The following PTPRE variants were observed in gnomAD, a reference collection of about 807,000 sequenced individuals.
The protein encoded by PTPRE is receptor-type tyrosine-protein phosphatase epsilon.
PTPRE carries 51 observed loss-of-function variants against 102.0 expected under a neutral mutation model. The ratio of observed to expected loss-of-function variants is 0.50; its 90% CI spans 0.40 to 0.63. The LOEUF (loss-of-function observed/expected upper bound fraction) is 0.63. Among genes scored for constraint, PTPRE ranks in the 30% least tolerant of loss-of-function variants. PTPRE has a pLI of 0.00. For missense variants in PTPRE, 752 were observed against 915.1 expected (o/e 0.82, Z 2.30); for synonymous variants, 345 against 348.2 (o/e 0.99, Z 0.10).
chr10:128,022,496 C>T (rs915455046), intron 2 of PTPRE, among the ~76,000 whole-genome samples: 1 of 152,226 alleles, frequency 6.6e-6, no homozygotes, highest in Non-Finnish European at 1.5e-5. Flanking sequence ...TGGCCTGCCC[C>T]GTGCTGACTC....
intron 1 of PTPRE, among the ~76,000 whole-genome samples, chr10:127,921,589 A>C (rs948264957): frequency 6.6e-6 from 1 of 152,042 alleles, no homozygotes; most frequent in East Asian, 1.9e-4. Flanking sequence ...GTCTATAGGG[A>C]CTGGGCTGGG....
chr10:127,993,770 TGTGTGTGTGTGTGTGTGC>T (rs1196998853), intron 2 of PTPRE, among the ~76,000 whole-genome samples: 1 of 150,680 alleles, frequency 6.6e-6, no homozygotes, highest in African/African-American at 2.4e-5. Context: ...TTCATAGTGG[TGTGTGTGTGTGTGTGTGC>T]GTGTGTGTGT....
chr10:127,970,347 C>A (rs760376015), intron 1 of PTPRE, among the ~76,000 whole-genome samples: 3 of 152,116 alleles, frequency 2.0e-5, no homozygotes, highest in Non-Finnish European at 4.4e-5. Flanking sequence ...CACAGCTTTG[C>A]GGATGAAAGG....
chr10:127,982,196 C>T, intron 1 of PTPRE, 78 bp from the exon 2 acceptor site: 1 of 945,762 alleles, frequency 1.1e-6, no homozygotes, highest in Non-Finnish European at 1.4e-6. Context: ...TAGTGCTGTA[C>T]AGAAGGAAAT....
intron 1 of PTPRE, among the ~76,000 whole-genome samples, chr10:127,980,549 A>G (rs1447995882): frequency 6.6e-6 from 1 of 152,170 alleles, no homozygotes; most frequent in Admixed American, 6.5e-5. Context: ...ATAATGTTAA[A>G]TAGGAGTGGG....
At position 128,003,313 on chromosome 10, in the gene PTPRE, G is replaced by C. The variant is rs184921335; in HGVS notation, c.-8+21017G>C. On this transcript the variant is annotated intron_variant, in intron 2 of 20. Coordinates refer to ENST00000254667, the MANE Select transcript of PTPRE (RefSeq NM_006504.6). ...CTCTGTGTTCTCCTAATCACACTGG[G>C]TGGTTGTCATTTTTTATTTCACTGG... is the stretch of plus-strand genomic sequence containing the variant. Among the ~76,000 whole-genome samples, 283 of 152,228 alleles carry C rather than the reference G, an allele frequency of 1.9e-3. 1 individual carries two copies. The highest frequency in any genetic ancestry group is 3.4e-3 in the Non-Finnish European group (229 of 68,010).
chr10:128,010,372 T>G (rs1254987005), intron 2 of PTPRE, among the ~76,000 whole-genome samples: 3 of 152,182 alleles, frequency 2.0e-5, no homozygotes, highest in African/African-American at 4.8e-5. Flanking sequence ...TTGAAATTTT[T>G]TCTTGCCTGA....
chr10:128,019,187 C>T (rs1485059985), intron 2 of PTPRE, among the ~76,000 whole-genome samples: 7 of 152,246 alleles, frequency 4.6e-5, no homozygotes, highest in Non-Finnish European at 7.3e-5. Flanking sequence ...CTGAGAGGCC[C>T]GACTTCCAAT....
At position 127,920,320 on chromosome 10, in the gene PTPRE, A is replaced by AG. The variant is rs1227811239; in HGVS notation, c.-31+13015dup. 8.5e-5 allele frequency among the ~76,000 whole-genome samples: 13 copies of AG among 152,288 alleles called. No individual in the cohort carries two copies. In the East Asian group the frequency reaches 2.5e-3, roughly 29 times the overall value. ...GGAAGGGGCAGCCCCTTGGAGCATG[A>AG]GGGGTCTCTTGCTGCCTCTGCTTTG... is the stretch of plus-strand genomic sequence containing the variant. On this transcript the variant is annotated intron_variant, in intron 1 of 20. Transcript: ENST00000254667.
intron 1 of PTPRE, among the ~76,000 whole-genome samples, chr10:127,915,642 T>A (rs1167386429): frequency 6.6e-6 from 1 of 152,214 alleles, no homozygotes; most frequent in Non-Finnish European, 1.5e-5. Context: ...TTTAATAATT[T>A]TGTACTGTGT....
chr10:128,063,866 G>A (rs993945709), intron 10 of PTPRE, among the ~76,000 whole-genome samples: 8 of 152,144 alleles, frequency 5.3e-5, no homozygotes, highest in African/African-American at 1.9e-4. Flanking sequence ...CAGGCAGGGA[G>A]CCATGCCATA....
At chr10:127,948,436 T>C (rs1310328227) in intron 1 of PTPRE, among the ~76,000 whole-genome samples, 1 of 152,192 alleles carries the variant, frequency 6.6e-6, no homozygotes, top group Non-Finnish European at 1.5e-5. Flanking sequence ...TGGACAGATA[T>C]ATGACATGTA....
chr10:127,958,428 C>CT (rs1208883994), intron 1 of PTPRE, among the ~76,000 whole-genome samples: 1 of 151,748 alleles, frequency 6.6e-6, no homozygotes, highest in African/African-American at 2.4e-5. Flanking sequence ...TTGTCACGTG[C>CT]TTTTTTTTGC....
chr10:127,960,049 A>T (rs1427655157), intron 1 of PTPRE, among the ~76,000 whole-genome samples: 1 of 152,218 alleles, frequency 6.6e-6, no homozygotes, highest in Non-Finnish European at 1.5e-5. Context: ...TTACTATGTA[A>T]GATGGGAAGT....
rs528375624 is a variant in PTPRE at position 127,974,427 on chromosome 10, G to A, written c.-30-7847G>A. ...GGTTTTTGTTTATGTGTTCTTCCTG[G>A]GAATTTTCTTCTTGAGAAAGATGAC... On this transcript the variant is annotated intron_variant, in intron 1 of 20. Transcript: ENST00000254667. Among the ~76,000 whole-genome samples, 9 of 152,210 alleles carry A rather than the reference G, an allele frequency of 5.9e-5. No homozygotes were observed. In the South Asian group the frequency reaches 1.2e-3, roughly 21 times the overall value.
chr10:128,041,006 C>T lies in PTPRE; in HGVS notation c.109+16C>T, dbSNP rs1847645354. ...ACGACCTCAGGTAAGGACCCCTTTCCCTGGCTGCCTCCCCTACTACCTCCT... is the reference window on the plus strand; with the variant it reads ...ACGACCTCAGGTAAGGACCCCTTTCTCTGGCTGCCTCCCCTACTACCTCCT... On this transcript the variant is annotated intron_variant, in intron 3 of 20. Coordinates refer to ENST00000254667, the MANE Select transcript of PTPRE (RefSeq NM_006504.6). The T allele has an allele frequency of 1.9e-6, 3 of 1,609,152 alleles. No homozygotes were observed. The Admixed American group carries it at 5.0e-5, about 27-fold the overall frequency.
At chr10:128,069,071 G>A (rs927481458) in intron 12 of PTPRE, 2 of 152,766 alleles carry the variant, frequency 1.3e-5, no homozygotes, top group Non-Finnish European at 2.9e-5. Context: ...CTCTGCACCT[G>A]TCATGCAGGT....
At chr10:128,002,335 G>T (rs1854006327) in intron 2 of PTPRE, among the ~76,000 whole-genome samples, 1 of 152,174 alleles carries the variant, frequency 6.6e-6, no homozygotes, top group Non-Finnish European at 1.5e-5. Context: ...TTATTTCCGG[G>T]GAGTTTGTAT....
At chr10:128,035,702 T>C (rs1214690056) in intron 2 of PTPRE, among the ~76,000 whole-genome samples, 9 of 152,168 alleles carry the variant, frequency 5.9e-5, no homozygotes, top group Non-Finnish European at 1.3e-4. Context: ...GCAGTGTGGG[T>C]CAGTCCACTG....
Sources: gnomAD v4.1 joint callset for allele counts (sites outside exome capture counted in the v4.1 genomes callset) on GRCh38, gnomAD v4.1.1 for gene constraint, MANE v1.5 for transcripts, NCBI Gene and HGNC (gene_info 2026-07-23, HGNC 2026-07-21) for gene names.